Variants in C3orf20 observed in about 807,000 individuals in gnomAD.
C3orf20 encodes uncharacterized protein C3orf20.
Under a neutral mutation model 88.3 loss-of-function variants are expected in C3orf20, and 76 were observed. The observed-to-expected ratio is 0.86, with a 90% CI of 0.72 to 1.04. The LOEUF is 1.04. Ranked by LOEUF, C3orf20 falls within the 50% of genes least tolerant of loss-of-function variation. The pLI is 0.00. For synonymous variants in C3orf20, 436 were observed against 437.4 expected, an observed-to-expected ratio of 1.00 and a Z score of 0.04; for missense variants, 1,056 against 1,123.3, an observed-to-expected ratio of 0.94 and a Z score of 0.86.
intron 3 of C3orf20, 27 bp from the exon 4 acceptor site, chr3:14,684,215 A>G (rs371697784): frequency 1.5e-5 from 24 of 1,612,592 alleles, no homozygotes; most frequent in African/African-American, 4.0e-5. Context: ...TAGGAGGGAC[A>G]CGTGTTGCTT....
intron 12 of C3orf20, among the ~76,000 whole-genome samples, chr3:14,736,944 G>A (rs1366144173): frequency 1.3e-5 from 2 of 152,152 alleles, no homozygotes; most frequent in African/African-American, 2.4e-5. Flanking sequence ...TGAAGATGTC[G>A]TTCTGCTGTT....
At chr3:14,683,381 G>A (rs575418468) in intron 3 of C3orf20, among the ~76,000 whole-genome samples, 184 bp downstream of exon 3, 1 of 152,270 alleles carries the variant, frequency 6.6e-6, no homozygotes, top group East Asian at 1.9e-4. Context: ...CATTGCCCCA[G>A]CTTTCCAGAG....
chr3:14,752,958 TA>T (rs1328127122), intron 12 of C3orf20, among the ~76,000 whole-genome samples: 1 of 152,270 alleles, frequency 6.6e-6, no homozygotes, highest in East Asian at 1.9e-4. Context: ...GAACTAGAAA[TA>T]CCATTTGACC....
rs374958977 is a variant in C3orf20, at chr3:14,714,031, A to T, written c.1185A>T (p.Val395=). Residue 395 remains valine, a synonymous_variant, in exon 8 of 17, where the codon GTA becomes GTT. Transcript: ENST00000253697. ...GCTATCCCTCTGGAAACGTCGCTGTATGTCAGATCCCCACATGCTGCAGAG... is the reference window on the plus strand; with the variant it reads ...GCTATCCCTCTGGAAACGTCGCTGTTTGTCAGATCCCCACATGCTGCAGAG... The part of the protein sequence containing the change: ...FVYYPSGNVA[V]CQIPTCCRGR... The T allele has an allele frequency of 6.2e-7, 1 of 1,614,140 alleles. No individual in the cohort carries two copies. The highest frequency in any genetic ancestry group is 8.5e-7 in the Non-Finnish European group (1 of 1,180,026).
chr3:14,757,956 C>G (rs1020893573), intron 13 of C3orf20, among the ~76,000 whole-genome samples: 4 of 152,240 alleles, frequency 2.6e-5, no homozygotes, highest in African/African-American at 9.6e-5. Context: ...GGGCACTGTC[C>G]TTTCCTTCCA....
intron 4 of C3orf20, 90 bp from the exon 5 acceptor site, chr3:14,689,907 C>A: frequency 6.4e-7 from 1 of 1,561,150 alleles, no homozygotes; most frequent in Middle Eastern, 1.7e-4. Context: ...ACCCACCGTA[C>A]TACTAGAACA....
intron 12 of C3orf20, among the ~76,000 whole-genome samples, chr3:14,749,263 C>T (rs2035150556): frequency 6.6e-6 from 1 of 152,154 alleles, no homozygotes; most frequent in African/African-American, 2.4e-5. Flanking sequence ...ATTAGTATAA[C>T]CACTCCTGGT....
At chr3:14,684,404 C>T (rs780686907) in intron 4 of C3orf20, 22 bp downstream of exon 4, 2 of 1,611,216 alleles carry the variant, frequency 1.2e-6, no homozygotes, top group Admixed American at 1.7e-5. Flanking sequence ...AGCTTCAACC[C>T]TTAGGTAAGA....
intron 3 of C3orf20, among the ~76,000 whole-genome samples, chr3:14,683,875 CA>C (rs966127219): frequency 0.018 from 1,457 of 83,182 alleles, 19 homozygotes; most frequent in African/African-American, 0.058. Context: ...GACTCCATCT[CA>C]AAAAAAAAAA....
At chr3:14,713,074 C>T (rs1250204422) in intron 7 of C3orf20, among the ~76,000 whole-genome samples, 5 of 152,064 alleles carry the variant, frequency 3.3e-5, no homozygotes, top group Admixed American at 2.6e-4. Flanking sequence ...TTGCTGCTTT[C>T]AAGATTCCCT....
chr3:14,712,980 G>A (rs61542527), intron 7 of C3orf20, among the ~76,000 whole-genome samples: 4,280 of 152,102 alleles, frequency 0.028, 74 homozygotes, highest in Middle Eastern at 0.054. Flanking sequence ...TCATATTGCT[G>A]CCTTCTTAAC....
intron 7 of C3orf20, among the ~76,000 whole-genome samples, chr3:14,713,627 T>C (rs188093693): frequency 1.3e-5 from 2 of 152,326 alleles, no homozygotes; most frequent in East Asian, 3.9e-4. Context: ...GGGCAGATAA[T>C]TTTCTGCACT....
chr3:14,767,827 C>T (rs916487453), intron 15 of C3orf20, among the ~76,000 whole-genome samples: 3 of 152,252 alleles, frequency 2.0e-5, no homozygotes, highest in South Asian at 2.1e-4. Flanking sequence ...CAGAGCACTC[C>T]GTAAGCTACT....
intron 3 of C3orf20, 141 bp downstream of exon 3, chr3:14,683,338 TCTCA>T: frequency 1.9e-6 from 2 of 1,078,300 alleles, no homozygotes; most frequent in Non-Finnish European, 1.3e-6. Context: ...GGAATCATCC[TCTCA>T]CTCCTCCCTG....
chr3:14,692,650 GT>G, intron 5 of C3orf20, among the ~76,000 whole-genome samples: 1 of 152,216 alleles, frequency 6.6e-6, no homozygotes, highest in South Asian at 2.1e-4. Flanking sequence ...CAAATGGGTA[GT>G]TTGCAAATAT....
At chr3:14,709,583 T>C (rs2033659497) in intron 7 of C3orf20, among the ~76,000 whole-genome samples, 1 of 152,162 alleles carries the variant, frequency 6.6e-6, no homozygotes, top group Admixed American at 6.5e-5. Context: ...CATGAAAGGG[T>C]ATTGAATTTT....
chr3:14,708,156 G>T (rs1369819902), intron 7 of C3orf20, among the ~76,000 whole-genome samples: 2 of 152,104 alleles, frequency 1.3e-5, no homozygotes, highest in Non-Finnish European at 2.9e-5. Flanking sequence ...TATACTTATA[G>T]GTCTTGCGGT....
At chr3:14,678,302 G>T (rs1271272337) in intron 1 of C3orf20, among the ~76,000 whole-genome samples, 1 of 152,160 alleles carries the variant, frequency 6.6e-6, no homozygotes. Context: ...CGTGGCCATT[G>T]GGAACATCAC....
At chr3:14,720,479 C>A (rs955502468) in intron 9 of C3orf20, among the ~76,000 whole-genome samples, 1 of 152,126 alleles carries the variant, frequency 6.6e-6, no homozygotes, top group African/African-American at 2.4e-5. Flanking sequence ...AGCGTAGACC[C>A]CTGGGCAAGC....
Sources: gnomAD v4.1 joint callset for allele counts (sites outside exome capture counted in the v4.1 genomes callset) on GRCh38, gnomAD v4.1.1 for gene constraint, MANE v1.5 for transcripts, NCBI Gene and HGNC (gene_info 2026-07-23, HGNC 2026-07-21) for gene names.